DMD: variants seen among roughly 807,000 people sequenced by gnomAD.
DMD encodes the protein mutant dystrophin.
A neutral mutation model predicts 330.1 loss-of-function variants in DMD; 63 were observed. That is an observed-to-expected ratio of 0.19 (90% confidence interval 0.16 to 0.24). DMD has a LOEUF of 0.24. Ranked by LOEUF, DMD falls within the 10% of genes least tolerant of loss-of-function variation. DMD has a pLI of 1.00. For synonymous variants in DMD, 1,223 were observed against 959.8 expected (o/e 1.27, Z -5.07); for missense variants, 3,344 against 2,684.1 (o/e 1.25, Z -5.43).
chrX:31,606,979 T>C (rs1468591776), intron 55 of DMD, among the ~76,000 whole-genome samples: 1 of 112,079 alleles, frequency 8.9e-6, no homozygotes, highest in Non-Finnish European at 1.9e-5. Flanking sequence ...ACGGCTCCAG[T>C]CATTTCATAA....
chrX:33,008,826 A>G (rs1470476772), intron 2 of DMD, among the ~76,000 whole-genome samples: 3 of 59,211 alleles, frequency 5.1e-5, no homozygotes, highest in Non-Finnish European at 1.1e-4. Flanking sequence ...ATAAATGTAT[A>G]CGTATATATA....
chrX:32,743,886 G>A (rs761685713), intron 7 of DMD, among the ~76,000 whole-genome samples: 4 of 111,112 alleles, frequency 3.6e-5, no homozygotes, highest in South Asian at 3.8e-4. Context: ...AATAGACATT[G>A]TGTTTCTTCC....
At chrX:31,909,518 G>GAAAAAAA (rs775462001) in intron 47 of DMD, among the ~76,000 whole-genome samples, 1 of 56,055 alleles carries the variant, frequency 1.8e-5, no homozygotes, top group Non-Finnish European at 3.7e-5. Context: ...AGAGAAATGT[G>GAAAAAAA]AAAAAAAAAA....
intron 18 of DMD, among the ~76,000 whole-genome samples, chrX:32,504,093 T>C (rs1305864913): frequency 1.8e-5 from 2 of 111,913 alleles, no homozygotes; most frequent in Non-Finnish European, 1.9e-5. Context: ...AAAAAGTCTT[T>C]AAACAAATGG....
chrX:32,089,400 T>C (rs897812159), intron 44 of DMD, among the ~76,000 whole-genome samples: 3 of 111,571 alleles, frequency 2.7e-5, no homozygotes, highest in Non-Finnish European at 5.7e-5. Flanking sequence ...CTAAACATAG[T>C]ACCCAATAAT....
chrX:32,742,839 T>C (rs1199224725), intron 7 of DMD, among the ~76,000 whole-genome samples: 1 of 112,071 alleles, frequency 8.9e-6, no homozygotes, highest in Non-Finnish European at 1.9e-5. Context: ...GTTACATGAA[T>C]AATTTATTTA....
chrX:32,624,523 A>T (rs888818730), intron 11 of DMD, among the ~76,000 whole-genome samples: 1 of 111,752 alleles, frequency 8.9e-6, no homozygotes, highest in African/African-American at 3.3e-5. Context: ...AGACATCCTT[A>T]TGATTGTGCC....
intron 1 of DMD, among the ~76,000 whole-genome samples, chrX:33,263,428 C>T (rs2052991675): frequency 9.7e-6 from 1 of 102,691 alleles, no homozygotes; most frequent in Non-Finnish European, 1.9e-5. Flanking sequence ...AGTCAGAGAG[C>T]TTTTTAAAAA....
intron 47 of DMD, among the ~76,000 whole-genome samples, chrX:31,877,290 T>C (rs1029702999): frequency 8.9e-6 from 1 of 112,034 alleles, no homozygotes; most frequent in Non-Finnish European, 1.9e-5. Context: ...GGACTGACCC[T>C]AGGCTCCCAC....
chrX:31,838,060 C>T (rs2093241956), intron 48 of DMD, among the ~76,000 whole-genome samples: 1 of 111,707 alleles, frequency 9.0e-6, no homozygotes, highest in Non-Finnish European at 1.9e-5. Context: ...CAAGAAAACA[C>T]ATTGTTCCCT....
intron 7 of DMD, among the ~76,000 whole-genome samples, chrX:32,771,912 G>T (rs1243419418): frequency 1.8e-5 from 2 of 111,670 alleles, no homozygotes; most frequent in African/African-American, 6.5e-5. Flanking sequence ...AAGTCAAAAA[G>T]ATAAAAATAC....
At chrX:31,754,896 G>A (rs1311094328) in intron 51 of DMD, among the ~76,000 whole-genome samples, 1 of 111,677 alleles carries the variant, frequency 9.0e-6, no homozygotes, top group Non-Finnish European at 1.9e-5. Flanking sequence ...TGGGCTTTGT[G>A]TTTTGTTTTG....
chrX:32,093,021 CTTAA>C (rs1328127477), intron 44 of DMD, among the ~76,000 whole-genome samples: 1 of 111,030 alleles, frequency 9.0e-6, no homozygotes, highest in African/African-American at 3.3e-5. Context: ...ATCACCACTA[CTTAA>C]TTAGTTTTTG....
At position 32,243,773 on chromosome X, in the gene DMD, C is replaced by T. The variant is rs775656900; in HGVS notation, c.6291-26710G>A. On this transcript the variant is annotated intron_variant, in intron 43 of 78. Transcript: ENST00000357033. ...AATTTAACAAGTATTTCCAGCACATCGACTCAAGTTAAACATTAGTTTATC... is the reference window on the plus strand; with the variant it reads ...AATTTAACAAGTATTTCCAGCACATTGACTCAAGTTAAACATTAGTTTATC... Among the ~76,000 whole-genome samples, 8 of 110,818 alleles carry T rather than the reference C, an allele frequency of 7.2e-5. No homozygotes were observed. In the East Asian group the frequency reaches 2.0e-3, roughly 28 times the overall value.
At chrX:32,868,978 C>G (rs1237250608) in intron 2 of DMD, among the ~76,000 whole-genome samples, 2 of 111,594 alleles carry the variant, frequency 1.8e-5, no homozygotes, top group African/African-American at 6.5e-5. Flanking sequence ...AGTCGCTAGA[C>G]ACCTTATACA....
intron 2 of DMD, among the ~76,000 whole-genome samples, chrX:32,988,595 A>G (rs1448585068): frequency 8.9e-6 from 1 of 112,186 alleles, no homozygotes; most frequent in Non-Finnish European, 1.9e-5. Flanking sequence ...TATAGTTTGG[A>G]TAGTTTCAGC....
intron 7 of DMD, among the ~76,000 whole-genome samples, chrX:32,760,578 T>A (rs1386834953): frequency 8.9e-6 from 1 of 111,913 alleles, no homozygotes; most frequent in Non-Finnish European, 1.9e-5. Flanking sequence ...AGAGACATGA[T>A]ACATAGTGTT....
At chrX:32,462,887 G>A (rs2098388526) in intron 25 of DMD, among the ~76,000 whole-genome samples, 1 of 111,066 alleles carries the variant, frequency 9.0e-6, no homozygotes, top group Non-Finnish European at 1.9e-5. Flanking sequence ...TTGAGCCCAG[G>A]AGGTTGAGGC....
chrX:31,398,801 T>C (rs1033013793), intron 60 of DMD, among the ~76,000 whole-genome samples: 37 of 111,847 alleles, frequency 3.3e-4, no homozygotes, highest in African/African-American at 7.8e-4. Flanking sequence ...TATAGGTGTA[T>C]ACCACTGTGC....
Sources: allele counts gnomAD v4.1 joint callset (sites outside exome capture counted in the v4.1 genomes callset), GRCh38; gene constraint gnomAD v4.1.1; transcripts MANE v1.5; gene names NCBI Gene and HGNC (gene_info 2026-07-23, HGNC 2026-07-21).